The following PALM2AKAP2 variants were observed in gnomAD, a reference collection of about 807,000 sequenced individuals.
PALM2AKAP2 encodes the protein PALM2 and AKAP2 fusion.
In PALM2AKAP2, 37 loss-of-function variants were observed where a neutral mutation model predicts 71.5. That is an observed-to-expected ratio of 0.52 (90% CI 0.40 to 0.68). The LOEUF is 0.68. PALM2AKAP2 is among the 30% of genes least tolerant of loss of function. The pLI, the probability that PALM2AKAP2 is intolerant of heterozygous loss-of-function variation, is 0.00. For missense variants in PALM2AKAP2, 1,224 were observed against 1,191.8 expected (o/e 1.03, Z -0.40); for synonymous variants, 468 against 478.8 (o/e 0.98, Z 0.29).
chr9:110,162,273 C>A, intron 3 of PALM2AKAP2, 141 bp downstream of exon 10: 1 of 1,310,462 alleles, frequency 7.6e-7, no homozygotes, highest in East Asian at 2.3e-5. Flanking sequence ...TGTGCCTGTT[C>A]TGAAATATGG....
chr9:109,768,269 A>G (rs2118757859), intron 1 of PALM2AKAP2, among the ~76,000 whole-genome samples: 1 of 152,220 alleles, frequency 6.6e-6, no homozygotes, highest in South Asian at 2.1e-4. Flanking sequence ...TTGTCCTTTT[A>G]ATGTTTGTTA....
chr9:110,147,248 C>CAAAAAAAAAAAAA (rs59763270), intron 2 of PALM2AKAP2, among the ~76,000 whole-genome samples: 1 of 108,058 alleles, frequency 9.3e-6, no homozygotes, highest in African/African-American at 3.7e-5. Flanking sequence ...GACTCTGTCT[C>CAAAAAAAAAAAAA]AAAAAAAAAA....
At chr9:109,688,960 G>C (rs1023314888) in intron 1 of PALM2AKAP2, among the ~76,000 whole-genome samples, 14 of 152,138 alleles carry the variant, frequency 9.2e-5, no homozygotes, top group African/African-American at 3.4e-4. Context: ...GACTCCAGTT[G>C]TTATCGTCAT....
intron 1 of PALM2AKAP2, among the ~76,000 whole-genome samples, chr9:109,831,441 T>G (rs1433514494): frequency 1.4e-5 from 2 of 141,234 alleles, no homozygotes; most frequent in Non-Finnish European, 3.2e-5. Flanking sequence ...TTGACACCCC[T>G]AGGCTACCAC....
At chr9:109,862,876 G>A (rs368501028) in intron 1 of PALM2AKAP2, 32 of 510,994 alleles carry the variant, frequency 6.3e-5, no homozygotes, top group African/African-American at 5.8e-4. Flanking sequence ...ACAAAACTAA[G>A]AGGACATGAA....
intron 2 of PALM2AKAP2, among the ~76,000 whole-genome samples, chr9:109,870,623 A>C: frequency 6.6e-6 from 1 of 152,206 alleles, no homozygotes; most frequent in East Asian, 1.9e-4. Context: ...AAGACCATAG[A>C]GACTATAAAT....
chr9:110,017,473 G>C (rs1833001724), intron 7 of PALM2AKAP2, among the ~76,000 whole-genome samples: 1 of 152,176 alleles, frequency 6.6e-6, no homozygotes, highest in Admixed American at 6.5e-5. Flanking sequence ...TGTTTTATTG[G>C]CTATTATTGC....
chr9:109,917,540 G>C (rs893532220), intron 3 of PALM2AKAP2, among the ~76,000 whole-genome samples: 2 of 146,340 alleles, frequency 1.4e-5, no homozygotes, highest in Non-Finnish European at 3.0e-5. Flanking sequence ...CCAGACTGGA[G>C]TACAGTGTTG....
In PALM2AKAP2 at chr9:109,663,966, T is replaced by G. The variant is rs572389257; in HGVS notation, c.5+23100T>G. ...ATGGCCTTCTTTGTCTCTTTTGATC[T>G]TTGTTGGTTTAAAGTCTGTTTTATC... On this transcript the variant is annotated intron_variant, in intron 1 of 6. Transcript: ENST00000374531. 7.2e-5 allele frequency among the ~76,000 whole-genome samples: 11 copies of G among 152,336 alleles called. No homozygotes were observed. In the East Asian group the frequency reaches 1.7e-3, roughly 24 times the overall value.
chr9:110,020,318 C>T (rs186421491), intron 7 of PALM2AKAP2, among the ~76,000 whole-genome samples: 221 of 152,264 alleles, frequency 1.5e-3, no homozygotes, highest in African/African-American at 5.1e-3. Flanking sequence ...ATTTCCCTTG[C>T]CATGATTGTA....
intron 1 of PALM2AKAP2, among the ~76,000 whole-genome samples, chr9:110,075,469 T>A (rs1206919187): frequency 6.6e-5 from 10 of 152,128 alleles, no homozygotes; most frequent in Admixed American, 6.5e-4. Context: ...TAAAAAACTA[T>A]AAAAAGAAGA....
rs555217275 is a variant in PALM2AKAP2 at position 109,909,385 on chromosome 9, G to A, written c.258-14350G>A. 9.9e-5 allele frequency among the ~76,000 whole-genome samples: 15 copies of A among 152,272 alleles called. No individual in the cohort carries two copies. The South Asian group carries it at 2.3e-3, about 23-fold the overall frequency. ...CATTTTTGACTGAAAGAACTGAGCC[G>A]GAAGGTCTGCTTGAGGCTACTTCCA... On this transcript the variant is annotated intron_variant, in intron 3 of 9. Coordinates refer to the PALM2AKAP2 transcript ENST00000302798.
At chr9:110,161,488 T>C (rs1836594063) in intron 3 of PALM2AKAP2, among the ~76,000 whole-genome samples, 1 of 152,134 alleles carries the variant, frequency 6.6e-6, no homozygotes, top group Admixed American at 6.5e-5. Context: ...AATAATCCTA[T>C]ATAATCACCA....
chr9:109,876,155 A>T (rs910414449), intron 2 of PALM2AKAP2, among the ~76,000 whole-genome samples: 2 of 152,016 alleles, frequency 1.3e-5, no homozygotes, highest in Non-Finnish European at 2.9e-5. Flanking sequence ...TTTAATTTTA[A>T]TTTTTTTATT....
intron 1 of PALM2AKAP2, among the ~76,000 whole-genome samples, chr9:110,109,130 C>T (rs188951758): frequency 3.3e-5 from 5 of 151,934 alleles, no homozygotes; most frequent in African/African-American, 7.2e-5. Flanking sequence ...CCAACCTTAC[C>T]GACATGGAGA....
At chr9:110,077,180 C>T (rs889657755) in intron 1 of PALM2AKAP2, among the ~76,000 whole-genome samples, 3 of 152,082 alleles carry the variant, frequency 2.0e-5, no homozygotes, top group African/African-American at 7.2e-5. Flanking sequence ...CAAGCAAATC[C>T]CTTAACCTCT....
intron 3 of PALM2AKAP2, among the ~76,000 whole-genome samples, chr9:109,922,047 T>C (rs1037094404): frequency 2.0e-5 from 3 of 152,130 alleles, no homozygotes; most frequent in Non-Finnish European, 2.9e-5. Context: ...TGGTGTTCCT[T>C]ACCTTTCAGA....
At position 109,781,453 on chromosome 9, in the gene PALM2AKAP2, T is replaced by A. The variant is rs115829888; in HGVS notation, c.45+920T>A. 1.7e-3 allele frequency among the ~76,000 whole-genome samples: 264 copies of A among 152,388 alleles called. 1 individual carries two copies. The highest frequency in any genetic ancestry group is 5.8e-3 in the African/African-American group (243 of 41,598). ...GGCATAAAAGAATCTCCAGACATTC[T>A]TCCACCTAAATACATTTGTGTTTTT... On this transcript the variant is annotated intron_variant, in intron 1 of 9. Transcript: ENST00000302798.
chr9:109,950,067 G>A (rs553632576), intron 6 of PALM2AKAP2, among the ~76,000 whole-genome samples: 1 of 152,222 alleles, frequency 6.6e-6, no homozygotes, highest in East Asian at 1.9e-4. Context: ...GGAGGATAGT[G>A]TGAGCCCAGA....
Sources: allele counts gnomAD v4.1 joint callset (sites outside exome capture counted in the v4.1 genomes callset), GRCh38; gene constraint gnomAD v4.1.1; transcripts MANE v1.5; gene names NCBI Gene and HGNC (gene_info 2026-07-23, HGNC 2026-07-21).